The following PDE4D variants were observed in gnomAD, a reference collection of about 807,000 sequenced individuals.
The protein encoded by PDE4D is phosphodiesterase 4D, also known as 3',5'-cyclic-AMP phosphodiesterase 4D.
PDE4D carries 24 observed loss-of-function variants against 87.4 expected under a neutral mutation model. The ratio of observed to expected loss-of-function variants is 0.27; its 90% confidence interval spans 0.20 to 0.39. The LOEUF is 0.39. Among genes scored for constraint, PDE4D ranks in the 10% least tolerant of loss-of-function variants. The pLI, the probability that PDE4D is intolerant of heterozygous loss-of-function variation, is 1.00. For missense variants in PDE4D, 714 were observed against 1,041.0 expected, an observed-to-expected ratio of 0.69 and a Z score of 4.32; for synonymous variants, 384 against 383.2, an observed-to-expected ratio of 1.00 and a Z score of -0.02.
chr5:59,254,940 A>G (rs1051904828), intron 1 of PDE4D, among the ~76,000 whole-genome samples: 2 of 152,182 alleles, frequency 1.3e-5, no homozygotes, highest in Admixed American at 6.6e-5. Context: ...ATCAATAATG[A>G]TGCAGCCATT....
chr5:59,615,346 T>C (rs968862804), intron 1 of PDE4D, among the ~76,000 whole-genome samples: 3 of 152,176 alleles, frequency 2.0e-5, no homozygotes, highest in Non-Finnish European at 4.4e-5. Context: ...GGTTCAGAGA[T>C]AAAAGCCTTA....
At chr5:59,450,358 A>C (rs1290141695) in intron 1 of PDE4D, among the ~76,000 whole-genome samples, 1 of 152,222 alleles carries the variant, frequency 6.6e-6, no homozygotes, top group Non-Finnish European at 1.5e-5. Flanking sequence ...CAATAAGTTC[A>C]CAACTCAATC....
At chr5:60,165,148 C>T (rs1045481198) in intron 2 of PDE4D, among the ~76,000 whole-genome samples, 2 of 151,986 alleles carry the variant, frequency 1.3e-5, no homozygotes, top group Non-Finnish European at 2.9e-5. Context: ...CTTTTTGTGC[C>T]TGGCTTATTT....
At chr5:59,996,257 AAGAC>A (rs1763517396) in intron 2 of PDE4D, among the ~76,000 whole-genome samples, 2 of 152,338 alleles carry the variant, frequency 1.3e-5, no homozygotes, top group Admixed American at 1.3e-4. Context: ...GTCCAGGAAG[AAGAC>A]AGTCATAGGC....
chr5:59,655,759 T>C (rs1259570230), intron 1 of PDE4D, among the ~76,000 whole-genome samples: 1 of 152,178 alleles, frequency 6.6e-6, no homozygotes, highest in Non-Finnish European at 1.5e-5. Flanking sequence ...ATTTTCTCCC[T>C]TGGACACCCC....
intron 1 of PDE4D, among the ~76,000 whole-genome samples, chr5:60,324,222 G>A (rs75032090): frequency 2.0e-5 from 3 of 152,184 alleles, no homozygotes. Context: ...TGTTCTCAGG[G>A]ATGTGCTGTC....
At chr5:59,465,928 C>T (rs1377341504) in intron 1 of PDE4D, among the ~76,000 whole-genome samples, 1 of 152,140 alleles carries the variant, frequency 6.6e-6, no homozygotes, top group Non-Finnish European at 1.5e-5. Context: ...CCCAAAGACA[C>T]GTTTGGTACG....
intron 1 of PDE4D, among the ~76,000 whole-genome samples, chr5:59,688,151 A>C (rs1159869316): frequency 6.6e-6 from 1 of 152,200 alleles, no homozygotes; most frequent in African/African-American, 2.4e-5. Context: ...TCAACATCGG[A>C]TAGATCAACG....
At chr5:60,066,184 A>C (rs1582475413) in intron 2 of PDE4D, among the ~76,000 whole-genome samples, 1 of 152,310 alleles carries the variant, frequency 6.6e-6, no homozygotes, top group African/African-American at 2.4e-5. Flanking sequence ...TCTGACGGCC[A>C]GTGATGATGA....
chr5:59,421,899 A>G (rs918929377), intron 1 of PDE4D, among the ~76,000 whole-genome samples: 9 of 152,204 alleles, frequency 5.9e-5, no homozygotes, highest in African/African-American at 1.7e-4. Context: ...TTGAATATCT[A>G]TTATGTACCA....
At chr5:60,373,109 C>A (rs1297026554) in intron 1 of PDE4D, among the ~76,000 whole-genome samples, 1 of 152,202 alleles carries the variant, frequency 6.6e-6, no homozygotes, top group Non-Finnish European at 1.5e-5. Flanking sequence ...CGGCTGACTG[C>A]AATTCTAGAT....
At chr5:60,213,605 C>T (rs1422828604) in intron 1 of PDE4D, among the ~76,000 whole-genome samples, 1 of 152,164 alleles carries the variant, frequency 6.6e-6, no homozygotes, top group Non-Finnish European at 1.5e-5. Flanking sequence ...AAATTCTCTT[C>T]CCCCGTTGAC....
chr5:59,286,511 G>C (rs556413722), intron 1 of PDE4D, among the ~76,000 whole-genome samples: 1 of 152,288 alleles, frequency 6.6e-6, no homozygotes, highest in East Asian at 1.9e-4. Flanking sequence ...GCAATTCTTT[G>C]AAAAGAATGG....
chr5:60,089,612 C>T (rs1489907021), intron 2 of PDE4D, among the ~76,000 whole-genome samples: 1 of 151,404 alleles, frequency 6.6e-6, no homozygotes, highest in South Asian at 2.1e-4. Flanking sequence ...AAACAAACAA[C>T]CTAACATTGT....
chr5:60,222,454 T>C (rs1744606699), intron 1 of PDE4D, among the ~76,000 whole-genome samples: 1 of 152,170 alleles, frequency 6.6e-6, no homozygotes, highest in Non-Finnish European at 1.5e-5. Context: ...TGTTTATTCT[T>C]GTTATAAGCC....
chr5:59,798,221 A>T (rs1766709397), intron 1 of PDE4D, among the ~76,000 whole-genome samples: 1 of 145,654 alleles, frequency 6.9e-6, no homozygotes, highest in African/African-American at 2.5e-5. Flanking sequence ...TGACAGAACA[A>T]GTCTCCATCT....
intron 1 of PDE4D, among the ~76,000 whole-genome samples, chr5:59,352,869 T>C (rs181445002): frequency 6.6e-6 from 1 of 152,194 alleles, no homozygotes; most frequent in Admixed American, 6.5e-5. Flanking sequence ...CACATATGTA[T>C]TTAATTAATC....
intron 1 of PDE4D, among the ~76,000 whole-genome samples, chr5:59,422,134 G>T (rs1794580957): frequency 6.6e-6 from 1 of 152,196 alleles, no homozygotes; most frequent in Non-Finnish European, 1.5e-5. Flanking sequence ...CCCTGGGGAT[G>T]ATGAGGCCTG....
At chr5:59,474,673 G>C (rs1038376853) in intron 1 of PDE4D, among the ~76,000 whole-genome samples, 7 of 151,966 alleles carry the variant, frequency 4.6e-5, no homozygotes, top group Non-Finnish European at 4.4e-5. Flanking sequence ...TCCCTCTTGG[G>C]TATGTATGAA....
Sources: gnomAD v4.1 joint callset for allele counts (sites outside exome capture counted in the v4.1 genomes callset) on GRCh38, gnomAD v4.1.1 for gene constraint, MANE v1.5 for transcripts, NCBI Gene and HGNC (gene_info 2026-07-23, HGNC 2026-07-21) for gene names.